Variants in SMYD3 observed in about 807,000 individuals in gnomAD.
SMYD3 encodes SET and MYND domain containing 3, also known as histone-lysine N-methyltransferase SMYD3.
A neutral mutation model predicts 57.7 loss-of-function variants in SMYD3; 36 were observed. The ratio of observed to expected loss-of-function variants is 0.62; its 90% CI spans 0.48 to 0.82. The LOEUF (loss-of-function observed/expected upper bound fraction) is 0.82, where lower values mean the gene tolerates loss of function less well. Ranked by LOEUF, SMYD3 falls within the 40% of genes least tolerant of loss-of-function variation. SMYD3 has a pLI of 0.00. For synonymous variants in SMYD3, 211 were observed against 195.0 expected (o/e 1.08, Z -0.68); for missense variants, 515 against 538.8 (o/e 0.96, Z 0.44).
At chr1:246,334,201 A>G (rs1003612794) in intron 3 of SMYD3, among the ~76,000 whole-genome samples, 9 of 152,160 alleles carry the variant, frequency 5.9e-5, no homozygotes, top group African/African-American at 2.2e-4. Flanking sequence ...CAGCAATCCC[A>G]CTGTTGGGTA....
At position 246,002,237 on chromosome 1, in the gene SMYD3, T is replaced by C. The variant is rs150984782; in HGVS notation, c.532-72300A>G. The stretch of plus-strand genomic sequence containing the variant: ...TCTCGCTCCGTCACCCAGGCTGGAG[T>C]GCTGTGGCGCGATCTCGGCTCACTG... On this transcript the variant is annotated intron_variant, in intron 5 of 11. Transcript: ENST00000490107. Among the ~76,000 whole-genome samples the C allele has an allele frequency of 5.9e-3, 869 of 148,002 alleles. 9 individuals carry two copies. The highest frequency in any genetic ancestry group is 6.4e-3 in the Non-Finnish European group (430 of 66,732).
At chr1:246,180,319 TTA>T (rs201212917) in intron 5 of SMYD3, among the ~76,000 whole-genome samples, 1 of 127,962 alleles carries the variant, frequency 7.8e-6, no homozygotes, top group African/African-American at 3.1e-5. Context: ...TATAAACTAC[TTA>T]TATATATAAG....
chr1:246,401,395 G>A (rs2066766460), intron 1 of SMYD3, among the ~76,000 whole-genome samples: 1 of 151,934 alleles, frequency 6.6e-6, no homozygotes. Flanking sequence ...GTGCAGTGGT[G>A]CAATCTCGGC....
intron 8 of SMYD3, among the ~76,000 whole-genome samples, chr1:245,896,283 A>G (rs535721807): frequency 7.2e-5 from 11 of 151,942 alleles, no homozygotes; most frequent in African/African-American, 9.7e-5. Context: ...CAGACTTCCA[A>G]TCAAGATGCT....
intron 5 of SMYD3, among the ~76,000 whole-genome samples, chr1:246,301,283 A>G (rs912313287): frequency 1.3e-5 from 2 of 152,178 alleles, no homozygotes; most frequent in African/African-American, 4.8e-5. Flanking sequence ...ATCAGCAAAC[A>G]TTTATTAAGC....
intron 5 of SMYD3, among the ~76,000 whole-genome samples, chr1:245,958,775 T>C (rs184463308): frequency 2.0e-4 from 31 of 152,286 alleles, no homozygotes; most frequent in Non-Finnish European, 3.5e-4. Flanking sequence ...AGACCCCAAA[T>C]AGAAGAACTG....
At chr1:245,795,654 C>T (rs766817603) in intron 10 of SMYD3, among the ~76,000 whole-genome samples, 4 of 152,152 alleles carry the variant, frequency 2.6e-5, no homozygotes, top group Non-Finnish European at 5.9e-5. Flanking sequence ...CCCTGACTTT[C>T]TCTACAACCT....
At chr1:245,898,686 C>A (rs186500256) in intron 8 of SMYD3, among the ~76,000 whole-genome samples, 3 of 152,312 alleles carry the variant, frequency 2.0e-5, no homozygotes, top group African/African-American at 7.2e-5. Context: ...CTTTGATAGA[C>A]TGATAGACAT....
chr1:246,114,858 T>C (rs996687463), intron 5 of SMYD3, among the ~76,000 whole-genome samples: 2 of 151,616 alleles, frequency 1.3e-5, no homozygotes, highest in Admixed American at 6.6e-5. Flanking sequence ...TCTCGATCTC[T>C]TGACCTCGTG....
At chr1:245,835,782 C>A (rs1230568560) in intron 10 of SMYD3, among the ~76,000 whole-genome samples, 1 of 152,184 alleles carries the variant, frequency 6.6e-6, no homozygotes, top group East Asian at 1.9e-4. Flanking sequence ...CAGGTATCAG[C>A]GCCCTGATGC....
intron 5 of SMYD3, among the ~76,000 whole-genome samples, chr1:245,956,822 G>T (rs951114162): frequency 2.0e-5 from 3 of 152,198 alleles, no homozygotes; most frequent in African/African-American, 7.2e-5. Flanking sequence ...TTGGAGCAAT[G>T]ATTTGTCTCT....
intron 5 of SMYD3, among the ~76,000 whole-genome samples, chr1:246,235,976 C>T (rs1314554627): frequency 6.6e-6 from 1 of 152,074 alleles, no homozygotes; most frequent in African/African-American, 2.4e-5. Context: ...TCCATCATCA[C>T]AGAAAGCACT....
intron 11 of SMYD3, among the ~76,000 whole-genome samples, chr1:245,759,654 C>A (rs77403420): frequency 0.03 from 4,494 of 152,262 alleles, 191 homozygotes; most frequent in Admixed American, 0.11. Context: ...CTAGGACTTG[C>A]GGCCTGGTGC....
chr1:246,019,194 T>C (rs2059427500), intron 5 of SMYD3, among the ~76,000 whole-genome samples: 1 of 152,172 alleles, frequency 6.6e-6, no homozygotes, highest in African/African-American at 2.4e-5. Flanking sequence ...TGGCAATGTT[T>C]GGAGACATTT....
chr1:245,850,972 A>AGCTCCAAGAAT (rs67761899), intron 10 of SMYD3, among the ~76,000 whole-genome samples: 30,633 of 151,872 alleles, frequency 0.2, 4,533 homozygotes, highest in East Asian at 0.59. Context: ...ACAGGGGTTT[A>AGCTCCAAGAAT]GCCATAGGGA....
chr1:246,109,519 G>A (rs574278872), intron 5 of SMYD3, among the ~76,000 whole-genome samples: 4 of 152,128 alleles, frequency 2.6e-5, no homozygotes, highest in African/African-American at 9.7e-5. Context: ...AGAATCCAAA[G>A]GAATTTTTAA....
At chr1:246,019,170 T>C (rs906164177) in intron 5 of SMYD3, among the ~76,000 whole-genome samples, 4 of 152,168 alleles carry the variant, frequency 2.6e-5, no homozygotes, top group Non-Finnish European at 4.4e-5. Context: ...ATTTTGCTCC[T>C]CCCCCTGGAA....
intron 5 of SMYD3, among the ~76,000 whole-genome samples, chr1:246,121,922 C>T (rs1467318244): frequency 1.3e-5 from 2 of 152,014 alleles, no homozygotes; most frequent in African/African-American, 4.8e-5. Flanking sequence ...TTTCCATGTT[C>T]AGAATGAAAC....
At position 246,002,277 on chromosome 1, in the gene SMYD3, C is replaced by T. The variant is rs991443019; in HGVS notation, c.532-72340G>A. On this transcript the variant is annotated intron_variant, in intron 5 of 11. Coordinates refer to ENST00000490107, the MANE Select transcript of SMYD3 (RefSeq NM_001167740.2). ...TCGGCTCACTGCAAGCTCCGCCTCC[C>T]GGGTTCACGCCATTCTCCTGCCTCA... 3.0e-4 allele frequency among the ~76,000 whole-genome samples: 39 copies of T among 130,128 alleles called. 2 individuals carry two copies. The highest frequency in any genetic ancestry group is 8.1e-4 in the South Asian group (3 of 3,704). The allele number at this position is 130,128 out of a possible 152,430, so 85.4% of individuals were successfully genotyped here.
Sources: gnomAD v4.1 joint callset for allele counts (sites outside exome capture counted in the v4.1 genomes callset) on GRCh38, gnomAD v4.1.1 for gene constraint, MANE v1.5 for transcripts, NCBI Gene and HGNC (gene_info 2026-07-23, HGNC 2026-07-21) for gene names.